Variants in MAN1C1 observed in about 807,000 individuals in gnomAD.
MAN1C1 encodes mannosyl-oligosaccharide 1,2-alpha-mannosidase IC.
A neutral mutation model predicts 71.5 loss-of-function variants in MAN1C1; 49 were observed. The ratio of observed to expected loss-of-function variants is 0.69; its 90% CI spans 0.54 to 0.87. MAN1C1 has a LOEUF of 0.87. Among genes scored for constraint, MAN1C1 ranks in the 40% least tolerant of loss-of-function variants. The pLI is 0.00. For missense variants in MAN1C1, 743 were observed against 835.0 expected (o/e 0.89, Z 1.36); for synonymous variants, 352 against 343.7 (o/e 1.02, Z -0.27).
At chr1:25,760,836 G>A (rs2047350791) in intron 6 of MAN1C1, 1 of 152,218 alleles carries the variant, frequency 6.6e-6, no homozygotes, top group African/African-American at 2.4e-5. Flanking sequence ...TTTAACCACT[G>A]TCGGAGAGCA....
At position 25,753,850 on chromosome 1, in the gene MAN1C1, CT is replaced by C. The variant is rs1489268363; in HGVS notation, c.929+273del. On this transcript the variant is annotated intron_variant, in intron 5 of 11. Coordinates refer to ENST00000374332, the MANE Select transcript of MAN1C1 (RefSeq NM_020379.4). The surrounding 1 kb of genome is among the most constrained non-coding windows in gnomAD (Gnocchi z 4.9). ...CCTGGACAGGTGTTTGTCACCAAAC[CT>C]GGGTGTCAGGGTTTAGTCCACATAA... Among the ~76,000 whole-genome samples, 1 of 152,180 alleles carries C rather than the reference CT, an allele frequency of 6.6e-6. No homozygotes were observed. The highest frequency in any genetic ancestry group is 1.5e-5 in the Non-Finnish European group (1 of 68,016).
chr1:25,654,033 C>T (rs1024613780), intron 1 of MAN1C1, among the ~76,000 whole-genome samples: 2 of 152,108 alleles, frequency 1.3e-5, no homozygotes, highest in Non-Finnish European at 2.9e-5. Flanking sequence ...TCAGCAGTGC[C>T]GGGACTGGGA....
chr1:25,636,114 A>G (rs2045456528), intron 1 of MAN1C1, among the ~76,000 whole-genome samples: 1 of 152,230 alleles, frequency 6.6e-6, no homozygotes, highest in African/African-American at 2.4e-5. Flanking sequence ...AAAAGGGAGA[A>G]CAAAGATCAC....
chr1:25,681,386 A>C (rs1471020912), intron 1 of MAN1C1, among the ~76,000 whole-genome samples: 1 of 152,168 alleles, frequency 6.6e-6, no homozygotes, highest in Non-Finnish European at 1.5e-5. Flanking sequence ...TCGACCAGGG[A>C]AGCTCTTTAG....
intron 2 of MAN1C1, among the ~76,000 whole-genome samples, chr1:25,708,647 G>A (rs1429003966): frequency 6.6e-6 from 1 of 152,190 alleles, no homozygotes; most frequent in Non-Finnish European, 1.5e-5. Flanking sequence ...CACTTTGGGA[G>A]GCCGAGGCAG....
chr1:25,757,407 T>C (rs2047300862), intron 5 of MAN1C1, among the ~76,000 whole-genome samples: 1 of 152,124 alleles, frequency 6.6e-6, no homozygotes, highest in African/African-American at 2.4e-5. Context: ...CCCACCTCTG[T>C]CCACCACAGC....
At chr1:25,701,480 G>A (rs2046442592) in intron 2 of MAN1C1, among the ~76,000 whole-genome samples, 1 of 152,334 alleles carries the variant, frequency 6.6e-6, no homozygotes, top group South Asian at 2.1e-4. Context: ...CTGGCAAAGA[G>A]GTGTGCAGCA....
At chr1:25,783,055 A>G (rs1242828825) in intron 11 of MAN1C1, among the ~76,000 whole-genome samples, 1 of 152,062 alleles carries the variant, frequency 6.6e-6, no homozygotes, top group Non-Finnish European at 1.5e-5. Context: ...GCTGGCATTG[A>G]CTTTCCCTCC....
intron 8 of MAN1C1, among the ~76,000 whole-genome samples, chr1:25,774,009 C>T (rs1447648400): frequency 1.3e-5 from 2 of 152,158 alleles, no homozygotes; most frequent in African/African-American, 2.4e-5. Context: ...CTTGGGATTT[C>T]GTGTATAGTC....
intron 3 of MAN1C1, among the ~76,000 whole-genome samples, chr1:25,748,549 G>A (rs2047169398): frequency 6.6e-6 from 1 of 152,192 alleles, no homozygotes; most frequent in Admixed American, 6.5e-5. Flanking sequence ...GAGGAAATGG[G>A]GCAGGGAAAG....
chr1:25,626,924 GA>G (rs1161642436), intron 1 of MAN1C1, among the ~76,000 whole-genome samples: 3 of 151,966 alleles, frequency 2.0e-5, no homozygotes, highest in Admixed American at 1.3e-4. Flanking sequence ...TCCTTTTGAT[GA>G]GTGCTTTCTG....
At chr1:25,713,178 C>T (rs543463672) in intron 2 of MAN1C1, among the ~76,000 whole-genome samples, 1 of 151,920 alleles carries the variant, frequency 6.6e-6, no homozygotes, top group South Asian at 2.1e-4. Flanking sequence ...TCACACAGGC[C>T]TCCTGCCTGC....
chr1:25,733,180 G>T (rs2046933276), intron 2 of MAN1C1, among the ~76,000 whole-genome samples: 1 of 152,294 alleles, frequency 6.6e-6, no homozygotes, highest in Admixed American at 6.5e-5. Context: ...GGGTCTCAAA[G>T]CACAGACCCA....
intron 2 of MAN1C1, among the ~76,000 whole-genome samples, chr1:25,709,226 A>G (rs2046569327): frequency 1.3e-5 from 2 of 152,148 alleles, no homozygotes; most frequent in African/African-American, 2.4e-5. Context: ...TTTACTGCTC[A>G]AGGAGAAGGG....
chr1:25,767,327 ACT>A (rs1244522483), intron 7 of MAN1C1, among the ~76,000 whole-genome samples: 1 of 107,650 alleles, frequency 9.3e-6, no homozygotes, highest in Non-Finnish European at 1.8e-5. Context: ...CCCCTCACAC[ACT>A]CCCCCCACAC....
At chr1:25,686,412 G>T (rs1441644847) in intron 1 of MAN1C1, 28 bp from the exon 2 acceptor site, 1 of 1,601,836 alleles carries the variant, frequency 6.2e-7, no homozygotes, top group Non-Finnish European at 8.6e-7. Flanking sequence ...TCACACTGAG[G>T]TTCTCTCTAT....
intron 1 of MAN1C1, among the ~76,000 whole-genome samples, chr1:25,626,515 C>T (rs1402403577): frequency 6.6e-6 from 1 of 152,000 alleles, no homozygotes; most frequent in Non-Finnish European, 1.5e-5. Context: ...TCCGCCACCA[C>T]GCCTGGCTCA....
intron 6 of MAN1C1, among the ~76,000 whole-genome samples, chr1:25,762,211 C>T (rs2047370984): frequency 6.7e-6 from 1 of 149,080 alleles, no homozygotes; most frequent in South Asian, 2.1e-4. Flanking sequence ...ACTCCAGCCT[C>T]AATCTCCTGG....
rs751086896 is a variant in MAN1C1 at position 25,725,430 on chromosome 1, T to C, written c.638-21238T>C. ...GAATACAGAGGAAGGAGCCACTGAT[T>C]CTGCCTCTGGGAACTTCACAGAGCA... On this transcript the variant is annotated intron_variant, in intron 2 of 11. Transcript: ENST00000374332. This position sits in a 1 kb window ranked among gnomAD's most constrained non-coding sequence, Gnocchi z 4.8. 4.6e-5 allele frequency among the ~76,000 whole-genome samples: 7 copies of C among 152,236 alleles called. No homozygotes were observed. The highest frequency in any genetic ancestry group is 1.0e-4 in the Non-Finnish European group (7 of 68,036).
Sources: gnomAD v4.1 joint callset for allele counts (sites outside exome capture counted in the v4.1 genomes callset) on GRCh38, gnomAD v4.1.1 for gene constraint, Gnocchi (gnomAD v3.1) non-coding constraint, MANE v1.5 for transcripts, NCBI Gene and HGNC (gene_info 2026-07-23, HGNC 2026-07-21) for gene names.